The following SEH1L variants were observed in gnomAD, a reference collection of about 807,000 sequenced individuals.
SEH1L encodes the protein SEH1 like nucleoporin, also known as nucleoporin SEH1.
Under a neutral mutation model 49.5 loss-of-function variants are expected in SEH1L, and 18 were observed. The observed-to-expected ratio is 0.36, with a 90% CI of 0.25 to 0.54. The LOEUF is 0.54. Among genes scored for constraint, SEH1L ranks in the 20% least tolerant of loss-of-function variants. The pLI is 0.87. For synonymous variants in SEH1L, 169 were observed against 178.1 expected, an observed-to-expected ratio of 0.95 and a Z score of 0.41; for missense variants, 404 against 528.8, an observed-to-expected ratio of 0.76 and a Z score of 2.31.
chr18:12,967,751 T>A (rs1393167607), intron 4 of SEH1L, among the ~76,000 whole-genome samples: 1 of 152,048 alleles, frequency 6.6e-6, no homozygotes, highest in Non-Finnish European at 1.5e-5. Flanking sequence ...CTGTTTCTAC[T>A]AAAAATACAA....
Position 12,955,619 on chromosome 18 carries a change from T to A in SEH1L, c.309+10T>A. 1 of 1,613,434 alleles carries A rather than the reference T, an allele frequency of 6.2e-7. No individual in the cohort carries two copies. The highest frequency in any genetic ancestry group is 8.5e-7 in the Non-Finnish European group (1 of 1,179,512). The stretch of plus-strand genomic sequence containing the variant: ...AGGACAGAGCCACTGGGTGAGACAT[T>A]TATTAGTATTCTGGGGACCGGGAAG... On this transcript the variant is annotated intron_variant, in intron 3 of 8. Coordinates refer to ENST00000399892, the MANE Select transcript of SEH1L (RefSeq NM_001013437.2).
At chr18:12,949,207 T>A (rs925287902) in intron 1 of SEH1L, among the ~76,000 whole-genome samples, 12 of 151,434 alleles carry the variant, frequency 7.9e-5, no homozygotes, top group African/African-American at 2.9e-4. Context: ...ACATGAGATT[T>A]AGGAACCTCC....
intron 8 of SEH1L, 75 bp from the exon 9 acceptor site, chr18:12,986,787 T>C: frequency 7.9e-7 from 1 of 1,262,206 alleles, no homozygotes; most frequent in Non-Finnish European, 1.0e-6. Flanking sequence ...ATTTACTACT[T>C]TTCTCTTTTT....
At chr18:12,974,415 G>C (rs932328955) in intron 5 of SEH1L, 2 of 152,178 alleles carry the variant, frequency 1.3e-5, no homozygotes, top group African/African-American at 4.8e-5. Flanking sequence ...CGGTAGCTGG[G>C]ACTACAGGCA....
chr18:12,982,647 A>C lies in SEH1L; in HGVS notation c.891A>C (p.Gly297=). 1.2e-6 allele frequency: 2 copies of C among 1,612,818 alleles called. No individual in the cohort carries two copies. The highest frequency in any genetic ancestry group is 4.5e-5 in the East Asian group (2 of 44,838). Residue 297 remains glycine (G), a synonymous_variant, in exon 7 of 9, where the codon GGA becomes GGC. Coordinates refer to ENST00000399892, the MANE Select transcript of SEH1L (RefSeq NM_001013437.2). ...CAGGAACGGTGCTAGCATCTTCAGG[A>C]GATGATGGGTGTGTAAGATTGTGGA... is the stretch of plus-strand genomic sequence containing the variant. ...NITGTVLASS[G]DDGCVRLWKA... is the part of the protein sequence containing the mutation.
chr18:12,957,844 G>A (rs1425260529), intron 3 of SEH1L, among the ~76,000 whole-genome samples: 6 of 152,028 alleles, frequency 3.9e-5, no homozygotes, highest in Admixed American at 2.6e-4. Context: ...AGCCCCACAA[G>A]TAGCTGGGAT....
chr18:12,963,555 A>G (rs994459896), intron 4 of SEH1L, among the ~76,000 whole-genome samples, 184 bp downstream of exon 4: 2 of 152,238 alleles, frequency 1.3e-5, no homozygotes, highest in Admixed American at 1.3e-4. Context: ...GGAAGCCGGC[A>G]TTGTAAATAT....
chr18:12,972,615 G>A (rs1218256354), intron 5 of SEH1L: 1 of 152,140 alleles, frequency 6.6e-6, no homozygotes, highest in Non-Finnish European at 1.5e-5. Context: ...TTACTCCCGT[G>A]GGCTCTGCAA....
chr18:12,962,423 G>T (rs368830349), intron 3 of SEH1L, among the ~76,000 whole-genome samples: 1 of 133,044 alleles, frequency 7.5e-6, no homozygotes, highest in South Asian at 2.6e-4. Flanking sequence ...GGGATTAACA[G>T]AAAATTATTC....
chr18:12,980,044 A>C (rs1456003519), intron 6 of SEH1L, among the ~76,000 whole-genome samples: 15 of 59,974 alleles, frequency 2.5e-4, no homozygotes, highest in Admixed American at 4.1e-4. Flanking sequence ...TGACCCCCCC[A>C]CCTCCCTCCT....
intron 3 of SEH1L, among the ~76,000 whole-genome samples, chr18:12,956,892 C>T (rs1456910106): frequency 1.3e-5 from 2 of 151,954 alleles, no homozygotes; most frequent in Non-Finnish European, 2.9e-5. Context: ...ATGGTGAAAC[C>T]CTGTCTCTAC....
intron 1 of SEH1L, among the ~76,000 whole-genome samples, chr18:12,949,454 T>TG (rs1357634969): frequency 6.9e-5 from 8 of 115,842 alleles, no homozygotes; most frequent in African/African-American, 1.0e-4. Flanking sequence ...TTTTTTTTTT[T>TG]TTTTTTTTTT....
intron 5 of SEH1L, chr18:12,971,592 CTATTG>C (rs1487746726): frequency 5.2e-5 from 8 of 153,754 alleles, no homozygotes; most frequent in African/African-American, 2.1e-4. Context: ...TGAGATTGCG[CTATTG>C]CACTCCAGGC....
chr18:12,964,019 C>G (rs2031320166), intron 4 of SEH1L, among the ~76,000 whole-genome samples: 4 of 152,210 alleles, frequency 2.6e-5, no homozygotes, highest in South Asian at 2.1e-4. Context: ...AGCCAGAAAC[C>G]CTTACATTTT....
At chr18:12,977,765 A>T (rs910135330) in intron 5 of SEH1L, 3 of 152,172 alleles carry the variant, frequency 2.0e-5, no homozygotes, top group Non-Finnish European at 2.9e-5. Context: ...TTTACATTCA[A>T]ATACTTAGGC....
At chr18:12,973,409 C>G (rs575804820) in intron 5 of SEH1L, 1 of 151,862 alleles carries the variant, frequency 6.6e-6, no homozygotes, top group Admixed American at 6.6e-5. Flanking sequence ...AAGTGATTCT[C>G]CTGCCTTAGC....
chr18:12,949,451 T>G (rs1258219721), intron 1 of SEH1L, among the ~76,000 whole-genome samples: 4 of 116,456 alleles, frequency 3.4e-5, no homozygotes, highest in African/African-American at 9.8e-5. Context: ...CGTTTTTTTT[T>G]TTTTTTTTTT....
chr18:12,957,332 G>T (rs2030927608), intron 3 of SEH1L, among the ~76,000 whole-genome samples: 3 of 151,976 alleles, frequency 2.0e-5, no homozygotes, highest in Admixed American at 6.6e-5. Context: ...GGAGGCTGAG[G>T]CAGGAGAATC....
rs887586306 is a variant in SEH1L, at chr18:12,978,778, T to C, written c.647T>C (p.Met216Thr). The change falls in exon 6 of 9, where the codon ATG becomes ACG. Residue 216 changes from methionine (M) to threonine (T), a missense_variant. Around this residue, in one of 3 missense-constraint regions of SEH1L, gnomAD observed 342 missense variants for 430.8 expected, o/e 0.79. Transcript: ENST00000399892. ...AAATATGCAAAAGCTGAAACTCTTA[T>C]GACAGTCACTGATCCTGTTCATGAT... ...TRKYAKAETL[M>T]TVTDPVHDIA... is the part of the protein sequence containing the mutation. 1.9e-5 allele frequency: 30 copies of C among 1,613,162 alleles called. No individual in the cohort carries two copies. The Middle Eastern group carries it at 4.9e-4, about 27-fold the overall frequency.
Sources: gnomAD v4.1 joint callset for allele counts (sites outside exome capture counted in the v4.1 genomes callset) on GRCh38, gnomAD v4.1.1 for gene constraint, gnomAD v4.1.1 regional missense constraint, MANE v1.5 for transcripts, NCBI Gene and HGNC (gene_info 2026-07-23, HGNC 2026-07-21) for gene names.